Variants in RIMBP2 observed in about 807,000 individuals in gnomAD.
RIMBP2 encodes RIMS binding protein 2, also known as RIMS-binding protein 2.
A neutral mutation model predicts 118.6 loss-of-function variants in RIMBP2; 48 were observed. That is an observed-to-expected ratio of 0.40 (90% CI 0.32 to 0.51). RIMBP2 has a LOEUF of 0.51. Ranked by LOEUF, RIMBP2 falls within the 20% of genes least tolerant of loss-of-function variation. The probability of loss-of-function intolerance (pLI) is 0.41; values close to 1 mark genes in which losing one functional copy is unlikely to be tolerated. For synonymous variants in RIMBP2, 762 were observed against 742.9 expected, an observed-to-expected ratio of 1.03 and a Z score of -0.42; for missense variants, 1,551 against 1,768.3, an observed-to-expected ratio of 0.88 and a Z score of 2.20.
intron 2 of RIMBP2, among the ~76,000 whole-genome samples, chr12:130,530,801 T>C (rs2139320073): frequency 6.6e-6 from 1 of 152,338 alleles, no homozygotes; most frequent in East Asian, 1.9e-4. Context: ...CACCTTCTCC[T>C]TCCAACCTAG....
In RIMBP2 at chr12:130,397,432, A is replaced by T. The variant is rs1398229527; in HGVS notation, c.4018T>A (p.Ser1340Thr). 7.5e-6 allele frequency: 3 copies of T among 398,854 alleles called. No individual in the cohort carries two copies. Among genetic ancestry groups the T allele is most frequent in the Non-Finnish European group, 1.3e-5 (3 of 226,106 alleles). 24.7% of individuals were successfully genotyped at this position (398,854 alleles called of 1,614,324 possible). A position where few individuals can be genotyped will look rare whatever the true frequency, so the allele number is the denominator to read the frequency against. The change falls in exon 23 of 23, where the codon TCC becomes ACC. Residue 1340 changes from serine (S) to threonine (T), a missense_variant. Ser to Thr is a moderately conservative substitution (Grantham distance 58). This residue lies in a region of RIMBP2 where 1,038 missense variants were observed against 1,125.1 expected (regional missense o/e 0.92). Coordinates refer to ENST00000690449, the MANE Select transcript of RIMBP2 (RefSeq NM_001393629.1). Reference protein sequence around the residue: ...SGSPGRGREMSSKKKKGLLSK... With the variant: ...SGSPGRGREMTSKKKKGLLSK... ...AGCAGCCCCTTTTTCTTTTTCGAGG[A>T]CATTTCCCTGCCTCTCCCAGGACTA... is the stretch of plus-strand genomic sequence containing the variant.
intron 1 of RIMBP2, among the ~76,000 whole-genome samples, chr12:130,715,771 G>A (rs1474435518): frequency 8.9e-6 from 1 of 112,416 alleles, no homozygotes; most frequent in Non-Finnish European, 1.9e-5. Context: ...CCTCCACCCC[G>A]CCCCCAAGAA....
intron 2 of RIMBP2, among the ~76,000 whole-genome samples, chr12:130,597,325 C>A (rs1035455430): frequency 5.3e-5 from 8 of 152,310 alleles, no homozygotes; most frequent in Admixed American, 1.3e-4. Flanking sequence ...CTCACTGCAA[C>A]CTCTGCCTCC....
intron 2 of RIMBP2, among the ~76,000 whole-genome samples, chr12:130,574,338 C>T (rs1165768603): frequency 2.0e-5 from 3 of 152,042 alleles, no homozygotes; most frequent in African/African-American, 2.4e-5. Context: ...ACACACATGG[C>T]GAGCTACCTC....
rs2061425227 is a variant in RIMBP2, at chr12:130,623,185, T to C, written c.-217+5137A>G. Among the ~76,000 whole-genome samples, 1 of 152,246 alleles carries C rather than the reference T, an allele frequency of 6.6e-6. No homozygotes were observed. The highest frequency in any genetic ancestry group is 1.5e-5 in the Non-Finnish European group (1 of 68,036). On this transcript the variant is annotated intron_variant, in intron 2 of 22. Transcript: ENST00000690449. This position sits in a 1 kb window ranked among gnomAD's most constrained non-coding sequence, Gnocchi z 4.1. ...ATTGAATTTAAAAAGCATATTATGATGAACACACACATGTATTCCCCTTTA... is the reference window on the plus strand; with the variant it reads ...ATTGAATTTAAAAAGCATATTATGACGAACACACACATGTATTCCCCTTTA...
chr12:130,480,808 C>T (rs1024756937), intron 4 of RIMBP2, among the ~76,000 whole-genome samples: 1 of 152,190 alleles, frequency 6.6e-6, no homozygotes, highest in Non-Finnish European at 1.5e-5. Context: ...GCCATGTTGG[C>T]CAGGCTGGTC....
At chr12:130,696,276 C>G (rs529541131) in intron 1 of RIMBP2, among the ~76,000 whole-genome samples, 1 of 152,284 alleles carries the variant, frequency 6.6e-6, no homozygotes, top group Admixed American at 6.5e-5. Context: ...AGAGACAGAC[C>G]CAGCTCCTGA....
chr12:130,558,096 G>A (rs1456358166), intron 2 of RIMBP2, among the ~76,000 whole-genome samples: 3 of 152,170 alleles, frequency 2.0e-5, no homozygotes, highest in Non-Finnish European at 4.4e-5. Context: ...GAGCTGTAAT[G>A]ATTACTATGG....
At chr12:130,540,173 C>G (rs962157683) in intron 2 of RIMBP2, among the ~76,000 whole-genome samples, 1 of 152,172 alleles carries the variant, frequency 6.6e-6, no homozygotes, top group African/African-American at 2.4e-5. Flanking sequence ...GAAACCAGTG[C>G]AGGGCTGAGA....
At chr12:130,472,972 G>A (rs10047628) in intron 5 of RIMBP2, among the ~76,000 whole-genome samples, 43,781 of 151,944 alleles carry the variant, frequency 0.29, 6,996 homozygotes, top group Non-Finnish European at 0.35. Context: ...TAGAAAAAGA[G>A]ACAAACAAGC....
At position 130,646,394 on chromosome 12, in the gene RIMBP2, A is replaced by ACCACTTGCCTCT; in HGVS notation, c.-351-17939_-351-17938insAGAGGCAAGTGG. On this transcript the variant is annotated intron_variant, in intron 1 of 22. Coordinates refer to ENST00000690449, the MANE Select transcript of RIMBP2 (RefSeq NM_001393629.1). ...CACCACCTCCCTCACCACCTCCCTCACCACCTGCCTCTCCACCTCCCTCAC... is the reference window on the plus strand; with the variant it reads ...CACCACCTCCCTCACCACCTCCCTCACCACTTGCCTCTCCACCTGCCTCTCCACCTCCCTCAC... Among the ~76,000 whole-genome samples the ACCACTTGCCTCT allele has an allele frequency of 2.3e-4, 10 of 43,658 alleles. 3 individuals are homozygous for ACCACTTGCCTCT. Among genetic ancestry groups the ACCACTTGCCTCT allele is most frequent in the Admixed American group, 4.9e-4 (2 of 4,060 alleles). 28.6% of individuals were successfully genotyped at this position (43,658 alleles called of 152,430 possible). A position where few individuals can be genotyped will look rare whatever the true frequency, so the allele number is the denominator to read the frequency against.
chr12:130,439,170 T>C (rs1372010491), intron 11 of RIMBP2, among the ~76,000 whole-genome samples: 9 of 146,506 alleles, frequency 6.1e-5, no homozygotes, highest in Middle Eastern at 3.4e-3. Flanking sequence ...TAAATGTGTA[T>C]GTATGGGTGT....
intron 12 of RIMBP2, among the ~76,000 whole-genome samples, chr12:130,438,023 T>C (rs1010354370): frequency 8.5e-5 from 13 of 152,188 alleles, no homozygotes; most frequent in African/African-American, 3.1e-4. Flanking sequence ...GGACGCGCCT[T>C]CGGCCATGGG....
intron 2 of RIMBP2, among the ~76,000 whole-genome samples, chr12:130,588,543 C>T (rs550075216): frequency 2.6e-4 from 40 of 152,278 alleles, no homozygotes; most frequent in African/African-American, 9.4e-4. Flanking sequence ...TCTTTCTGCA[C>T]GAGCTGAAGG....
intron 4 of RIMBP2, among the ~76,000 whole-genome samples, chr12:130,500,758 C>A (rs373779815): frequency 6.6e-6 from 1 of 152,132 alleles, no homozygotes; most frequent in Non-Finnish European, 1.5e-5. Context: ...CCCTCTTACC[C>A]CTCAGTCACT....
intron 1 of RIMBP2, among the ~76,000 whole-genome samples, chr12:130,679,609 G>A (rs1242807344): frequency 6.6e-6 from 1 of 152,170 alleles, no homozygotes; most frequent in South Asian, 2.1e-4. Flanking sequence ...TTCGCCTGGT[G>A]AGAATCTAGC....
At chr12:130,582,114 C>T (rs2058521312) in intron 2 of RIMBP2, among the ~76,000 whole-genome samples, 1 of 152,144 alleles carries the variant, frequency 6.6e-6, no homozygotes, top group South Asian at 2.1e-4. Flanking sequence ...TTACAAACCC[C>T]TCCACCTCCC....
At chr12:130,482,209 C>T (rs2082073844) in intron 4 of RIMBP2, among the ~76,000 whole-genome samples, 1 of 152,254 alleles carries the variant, frequency 6.6e-6, no homozygotes. Flanking sequence ...TCTGCAGACC[C>T]TCATGAGGCC....
At position 130,406,109 on chromosome 12, in the gene RIMBP2, A is replaced by C. The variant is rs570900709; in HGVS notation, c.3765+63T>G. ...GAGAAGGAACGGACTAGCAAAACAA[A>C]ACACACAAAATAAATGAAAATACAA... On this transcript the variant is annotated intron_variant, in intron 21 of 22. Transcript: ENST00000690449. The C allele has an allele frequency of 1.7e-4, 186 of 1,112,898 alleles. No individual in the cohort carries two copies. In the African/African-American group the frequency reaches 1.8e-3, roughly 11 times the overall value. 68.9% of individuals were successfully genotyped at this position (1,112,898 alleles called of 1,614,324 possible).
Sources: gnomAD v4.1 joint callset for allele counts (sites outside exome capture counted in the v4.1 genomes callset) on GRCh38, gnomAD v4.1.1 for gene constraint, gnomAD v4.1.1 regional missense constraint, Gnocchi (gnomAD v3.1) non-coding constraint, MANE v1.5 for transcripts, NCBI Gene and HGNC (gene_info 2026-07-23, HGNC 2026-07-21) for gene names.